Variants in SRCIN1 observed in about 807,000 individuals in gnomAD.
SRCIN1 encodes SRC kinase signaling inhibitor 1.
A neutral mutation model predicts 116.2 loss-of-function variants in SRCIN1; 50 were observed. The observed-to-expected ratio is 0.43, with a 90% CI of 0.34 to 0.54. The LOEUF (loss-of-function observed/expected upper bound fraction) is 0.54. Among genes scored for constraint, SRCIN1 ranks in the 20% least tolerant of loss-of-function variants. The pLI, the probability that SRCIN1 is intolerant of heterozygous loss-of-function variation, is 0.02. For synonymous variants in SRCIN1, 736 were observed against 750.0 expected, an observed-to-expected ratio of 0.98 and a Z score of 0.30; for missense variants, 1,446 against 1,672.0, an observed-to-expected ratio of 0.86 and a Z score of 2.36.
intron 3 of SRCIN1, among the ~76,000 whole-genome samples, chr17:38,567,058 G>A (rs1906763089): frequency 6.6e-6 from 1 of 152,088 alleles, no homozygotes; most frequent in Non-Finnish European, 1.5e-5. Flanking sequence ...CCATACTCAA[G>A]TGATCCTCCC....
chr17:38,605,779 C>A lies in SRCIN1; in HGVS notation c.-74G>T. On this transcript the variant is annotated 5_prime_UTR_variant, in exon 1 of 19. Coordinates refer to ENST00000617146, the MANE Select transcript of SRCIN1 (RefSeq NM_025248.3). ...TCGCCCTCTCGCCGCCTCGCGGGCTCCTCGCTCGGCCCCAGCCCCGGGGCG... is the reference window on the plus strand; with the variant it reads ...TCGCCCTCTCGCCGCCTCGCGGGCTACTCGCTCGGCCCCAGCCCCGGGGCG... 1 of 679,854 alleles carries A rather than the reference C, an allele frequency of 1.5e-6. No homozygotes were observed. The highest frequency in any genetic ancestry group is 1.9e-6 in the Non-Finnish European group (1 of 538,942). The allele number at this position is 679,854 out of a possible 1,614,324, so 42.1% of individuals were successfully genotyped here.
At position 38,574,968 on chromosome 17, in the gene SRCIN1, C is replaced by T. The variant is rs527360756; in HGVS notation, c.324+3522G>A. 23 of 401,050 alleles carry T rather than the reference C, an allele frequency of 5.7e-5. No individual in the cohort carries two copies. In the South Asian group the frequency reaches 1.3e-3, roughly 22 times the overall value. 24.8% of individuals were successfully genotyped at this position (401,050 alleles called of 1,614,324 possible). On this transcript the variant is annotated intron_variant, in intron 2 of 18. Transcript: ENST00000617146. ...AGGCATACGGGGTCCACGGTCCAGCCGCCAACCTGTGTGTGCGAAGCGGGG... is the reference window on the plus strand; with the variant it reads ...AGGCATACGGGGTCCACGGTCCAGCTGCCAACCTGTGTGTGCGAAGCGGGG...
rs948552895 is a variant in SRCIN1 at position 38,552,176 on chromosome 17, G to A, written c.2481-44C>T. On this transcript the variant is annotated intron_variant, in intron 13 of 18. Coordinates refer to ENST00000617146, the MANE Select transcript of SRCIN1 (RefSeq NM_025248.3). This position sits in a 1 kb window ranked among gnomAD's most constrained non-coding sequence, Gnocchi z 5.3. ...GGAGCAGCTGTGAGGCCAGCAGGTG[G>A]TGACCCTTCTGCAGGAAGGCTGCTC... The A allele has an allele frequency of 1.3e-6, 2 of 1,577,886 alleles. No individual in the cohort carries two copies. Among genetic ancestry groups the A allele is most frequent in the African/African-American group, 1.3e-5 (1 of 74,328 alleles).
chr17:38,597,187 T>A (rs1567886079), intron 1 of SRCIN1, among the ~76,000 whole-genome samples: 1 of 152,190 alleles, frequency 6.6e-6, no homozygotes. Context: ...GGACACGGAC[T>A]GGGAGAAAAT....
At chr17:38,596,510 G>A (rs1380956584) in intron 1 of SRCIN1, among the ~76,000 whole-genome samples, 5 of 152,124 alleles carry the variant, frequency 3.3e-5, no homozygotes, top group Non-Finnish European at 2.9e-5. Context: ...TCTCCACCCA[G>A]AAACAGGGGC....
chr17:38,561,035 C>T (rs1041524217), intron 7 of SRCIN1, among the ~76,000 whole-genome samples: 8 of 152,222 alleles, frequency 5.3e-5, no homozygotes, highest in African/African-American at 1.4e-4. Flanking sequence ...CTCCTTTCCT[C>T]GTCACCATTT....
At position 38,552,481 on chromosome 17, in the gene SRCIN1, G is replaced by A. The variant is rs370374105; in HGVS notation, c.2446C>T (p.Arg816Cys). 103 of 1,603,348 alleles carry A rather than the reference G, an allele frequency of 6.4e-5. No homozygotes were observed. Among genetic ancestry groups the A allele is most frequent in the African/African-American group, 1.7e-4 (13 of 74,718 alleles). The change falls in exon 13 of 19, where the codon CGC becomes TGC. Residue 816 changes from arginine to cysteine, a missense_variant. This residue lies in a region of SRCIN1 where 531 missense variants were observed against 633.9 expected (regional missense o/e 0.84). Coordinates refer to ENST00000617146, the MANE Select transcript of SRCIN1 (RefSeq NM_025248.3). The surrounding 1 kb of genome is among the most constrained non-coding windows in gnomAD (Gnocchi z 5.3). The stretch of plus-strand genomic sequence containing the variant: ...TGGGCCAGCGTGTCCGTGACCCCGC[G>A]GCAGCGCTTGAGGAGCCCATCCAGG... ...QRLDGLLKRCRGVTDTLAQIR... is the reference protein window; with the variant it reads ...QRLDGLLKRCCGVTDTLAQIR...
chr17:38,567,383 A>G (rs2143241132), intron 3 of SRCIN1, among the ~76,000 whole-genome samples: 1 of 152,120 alleles, frequency 6.6e-6, no homozygotes, highest in African/African-American at 2.4e-5. Flanking sequence ...CTTAACCACT[A>G]CCCTCAACTG....
At position 38,581,508 on chromosome 17, in the gene SRCIN1, G is replaced by C. The variant is rs1452735133; in HGVS notation, c.23-2717C>G. 2.1e-5 allele frequency among the ~76,000 whole-genome samples: 3 copies of C among 144,894 alleles called. No individual in the cohort carries two copies. The East Asian group carries it at 6.0e-4, about 29-fold the overall frequency. Reference sequence around the variant, plus strand: ...AATACCTTTATTTTCATAAGGATTAGAAAAAGCCCCAATTAGAAGGTCAAA... The same window carrying C: ...AATACCTTTATTTTCATAAGGATTACAAAAAGCCCCAATTAGAAGGTCAAA... On this transcript the variant is annotated intron_variant, in intron 1 of 18. Coordinates refer to ENST00000617146, the MANE Select transcript of SRCIN1 (RefSeq NM_025248.3).
At chr17:38,546,046 A>T (rs1321341832) in intron 17 of SRCIN1, among the ~76,000 whole-genome samples, 2 of 152,150 alleles carry the variant, frequency 1.3e-5, no homozygotes, top group African/African-American at 4.8e-5. Context: ...TGTGGCACAC[A>T]CACTCGGGCA....
chr17:38,589,494 C>T (rs780885237), intron 1 of SRCIN1, among the ~76,000 whole-genome samples: 24 of 152,184 alleles, frequency 1.6e-4, no homozygotes, highest in Non-Finnish European at 1.5e-5. Flanking sequence ...TTGCCAGGTT[C>T]GGGGCTCCCT....
At chr17:38,551,761 G>A (rs1905429929) in intron 14 of SRCIN1, 125 bp downstream of exon 14, 3 of 1,510,662 alleles carry the variant, frequency 2.0e-6, no homozygotes, top group Non-Finnish European at 2.7e-6. Flanking sequence ...CTTCCATTAG[G>A]GCACTGGCCC....
In SRCIN1 at chr17:38,585,600, G is replaced by A. The variant is rs922320076; in HGVS notation, c.23-6809C>T. On this transcript the variant is annotated intron_variant, in intron 1 of 18. Transcript: ENST00000617146. The surrounding 1 kb of genome is among the most constrained non-coding windows in gnomAD (Gnocchi z 4.2). The stretch of plus-strand genomic sequence containing the variant: ...GTGCCCCTGGCTCTGCCTTCCTTGT[G>A]TGCCCATACTCCTCAGTTTCTGCTG... Among the ~76,000 whole-genome samples, 1 of 152,180 alleles carries A rather than the reference G, an allele frequency of 6.6e-6. No individual in the cohort carries two copies. The highest frequency in any genetic ancestry group is 2.4e-5 in the African/African-American group (1 of 41,440).
intron 1 of SRCIN1, among the ~76,000 whole-genome samples, chr17:38,580,053 C>T (rs1240210507): frequency 1.3e-5 from 2 of 152,172 alleles, no homozygotes; most frequent in African/African-American, 4.8e-5. Flanking sequence ...ACATGCACTC[C>T]CGCCCCCGTG....
intron 18 of SRCIN1, among the ~76,000 whole-genome samples, chr17:38,539,853 T>A (rs1904617346): frequency 6.6e-6 from 1 of 151,746 alleles, no homozygotes; most frequent in African/African-American, 2.4e-5. Flanking sequence ...AAACCCCACC[T>A]CTACTGAAAA....
rs1212745337 is a variant in SRCIN1, at chr17:38,561,823, A to G, written c.1340T>C (p.Leu447Pro). ...CGCCGCCTTGTACAGGGAGTCCTCC[A>G]GATCGGACTGCAGCGCGGCGGCCGA... ...TYSAAALQSD[L>P]EDSLYKAAGG... The change falls in exon 7 of 19, where the codon CTG becomes CCG. Residue 447 changes from leucine to proline, a missense_variant. Transcript: ENST00000617146. 1 of 1,481,852 alleles carries G rather than the reference A, an allele frequency of 6.7e-7. No individual in the cohort carries two copies. The highest frequency in any genetic ancestry group is 1.5e-5 in the African/African-American group (1 of 67,980). The allele number at this position is 1,481,852 out of a possible 1,614,324, so 91.8% of individuals were successfully genotyped here. A position where few individuals can be genotyped will look rare whatever the true frequency, so the allele number is the denominator to read the frequency against.
Position 38,544,317 on chromosome 17 carries a change from G to A in SRCIN1, c.3271-348C>T, listed in dbSNP as rs1459800180. ...CCAGCAGCAACCCCACTCCCGGCAA[G>A]GGGCACCATCTGGACCTGGGTGCAC... On this transcript the variant is annotated intron_variant, in intron 17 of 18. Transcript: ENST00000617146. The surrounding 1 kb of genome is among the most constrained non-coding windows in gnomAD (Gnocchi z 4.5). Among the ~76,000 whole-genome samples the A allele has an allele frequency of 1.3e-5, 2 of 152,122 alleles. No individual in the cohort carries two copies. The highest frequency in any genetic ancestry group is 1.3e-4 in the Admixed American group (2 of 15,292).
upstream of SRCIN1, among the ~76,000 whole-genome samples, chr17:38,606,864 C>T (rs966066495): frequency 2.0e-5 from 3 of 152,226 alleles, no homozygotes; most frequent in African/African-American, 7.2e-5. The surrounding 1 kb of genome is among the most constrained non-coding windows in gnomAD (Gnocchi z 5.2). Flanking sequence ...TCCCTCGCTC[C>T]GATGCTCTGG....
chr17:38,537,800 A>C (rs1357160687), intron 18 of SRCIN1, among the ~76,000 whole-genome samples: 1 of 149,142 alleles, frequency 6.7e-6, no homozygotes, highest in Non-Finnish European at 1.5e-5. Context: ...CAAAAAAAAA[A>C]AAGAAAGAAA....
Sources: gnomAD v4.1 joint callset for allele counts (sites outside exome capture counted in the v4.1 genomes callset) on GRCh38, gnomAD v4.1.1 for gene constraint, gnomAD v4.1.1 regional missense constraint, Gnocchi (gnomAD v3.1) non-coding constraint, MANE v1.5 for transcripts, NCBI Gene and HGNC (gene_info 2026-07-23, HGNC 2026-07-21) for gene names.